Variants in KANK1 observed in about 807,000 individuals in gnomAD.
KANK1 encodes KN motif and ankyrin repeat domain-containing protein 1.
A neutral mutation model predicts 106.2 loss-of-function variants in KANK1; 109 were observed. The ratio of observed to expected loss-of-function variants is 1.03; its 90% confidence interval spans 0.88 to 1.20. The LOEUF (loss-of-function observed/expected upper bound fraction) is 1.20. Among genes scored for constraint, KANK1 ranks in the 50% most tolerant of loss-of-function variants. The pLI is 0.00. For missense variants in KANK1, 2,399 were observed against 1,710.7 expected (o/e 1.40, Z -7.10); for synonymous variants, 873 against 652.2 (o/e 1.34, Z -5.16).
At chr9:703,295 A>G (rs996630378) in intron 2 of KANK1, among the ~76,000 whole-genome samples, 1 of 152,006 alleles carries the variant, frequency 6.6e-6, no homozygotes, top group Non-Finnish European at 1.5e-5. Flanking sequence ...CATGGCCTGC[A>G]TTGTTGATAT....
intron 2 of KANK1, among the ~76,000 whole-genome samples, chr9:690,547 A>C (rs1819667295): frequency 6.6e-6 from 1 of 152,066 alleles, no homozygotes. Context: ...GGAGTCCAGA[A>C]GAATTGTGCA....
intron 1 of KANK1, chr9:549,842 T>C (rs1212124282): frequency 6.6e-6 from 1 of 152,324 alleles, no homozygotes; most frequent in Non-Finnish European, 1.5e-5. Flanking sequence ...AGCCCGGTTC[T>C]TCCTGGGACT....
chr9:710,616 AAAAAAAAAAAAAAC>A (rs1825713759), intron 2 of KANK1, among the ~76,000 whole-genome samples, 174 bp from the exon 3 acceptor site: 2 of 76,398 alleles, frequency 2.6e-5, no homozygotes, highest in Non-Finnish European at 5.0e-5. Context: ...GACCTGTCTC[AAAAAAAAAAAAAAC>A]AAAAAAAAAC....
intron 1 of KANK1, among the ~76,000 whole-genome samples, chr9:634,853 G>A (rs1268472718): frequency 1.3e-5 from 2 of 152,258 alleles, no homozygotes; most frequent in Admixed American, 6.5e-5. Flanking sequence ...TAGGGGCCCA[G>A]GTTCTTATTG....
intron 1 of KANK1, among the ~76,000 whole-genome samples, chr9:620,433 C>T (rs1281492812): frequency 6.6e-6 from 1 of 152,002 alleles, no homozygotes; most frequent in Non-Finnish European, 1.5e-5. Context: ...GAGTCTCGCA[C>T]TGTCACCCGG....
rs117537553 is a variant in KANK1, at chr9:552,835, A to T, written c.-84+48081A>T. Among the ~76,000 whole-genome samples the T allele has an allele frequency of 4.4e-3, 677 of 152,276 alleles. 3 individuals are homozygous for T. The highest frequency in any genetic ancestry group is 7.7e-3 in the Non-Finnish European group (526 of 68,032). On this transcript the variant is annotated intron_variant, in intron 1 of 11. Transcript: ENST00000382297. Reference sequence around the variant, plus strand: ...GAATGAGCTATTTTTCTACCATGTGATCCTTTGTTAGAAATGAACATGATT... The same window carrying T: ...GAATGAGCTATTTTTCTACCATGTGTTCCTTTGTTAGAAATGAACATGATT...
intron 1 of KANK1, among the ~76,000 whole-genome samples, chr9:578,027 C>T (rs1484376092): frequency 5.3e-5 from 8 of 152,018 alleles, no homozygotes; most frequent in Admixed American, 4.6e-4. Context: ...ACCTTGTAAC[C>T]AGGTCACCCC....
chr9:738,945 G>A (rs1834572815), intron 8 of KANK1, among the ~76,000 whole-genome samples: 2 of 152,358 alleles, frequency 1.3e-5, no homozygotes, highest in East Asian at 3.9e-4. Context: ...CCTTGCAGAA[G>A]TGTGTGGTTA....
At chr9:716,965 A>T (rs955636489) in intron 3 of KANK1, among the ~76,000 whole-genome samples, 1 of 147,228 alleles carries the variant, frequency 6.8e-6, no homozygotes, top group Non-Finnish European at 1.5e-5. Context: ...CCTGGGTGAC[A>T]GAATGAGACC....
intron 1 of KANK1, among the ~76,000 whole-genome samples, chr9:629,859 CTGAG>C (rs1328916789): frequency 1.3e-5 from 2 of 152,244 alleles, no homozygotes; most frequent in Non-Finnish European, 2.9e-5. Context: ...GACTCATTTA[CTGAG>C]TGTTTTCTGT....
Position 615,745 on chromosome 9 carries a change from T to C in KANK1, c.-83-61145T>C, listed in dbSNP as rs571535755. 8.5e-5 allele frequency among the ~76,000 whole-genome samples: 13 copies of C among 152,340 alleles called. No individual in the cohort carries two copies. In the South Asian group the frequency reaches 2.7e-3, roughly 32 times the overall value. ...TCCAAGACATGAAGAACAAATGTTA[T>C]ATATTCTCTTTGACATTTAAAGACA... On this transcript the variant is annotated intron_variant, in intron 1 of 11. Coordinates refer to ENST00000382297, the MANE Select transcript of KANK1 (RefSeq NM_015158.5).
intron 1 of KANK1, among the ~76,000 whole-genome samples, chr9:562,931 C>G (rs1816866335): frequency 6.6e-6 from 1 of 152,164 alleles, no homozygotes; most frequent in South Asian, 2.1e-4. Context: ...TAGAGAGGCA[C>G]CCATGAAAAT....
intron 1 of KANK1, among the ~76,000 whole-genome samples, chr9:527,419 AG>A (rs1191280612): frequency 1.2e-4 from 7 of 59,588 alleles, no homozygotes; most frequent in African/African-American, 9.8e-4. Flanking sequence ...CTCCTTCCTC[AG>A]CCCCTCAAGT....
intron 1 of KANK1, among the ~76,000 whole-genome samples, chr9:630,293 CGCCTGT>C (rs1835366977): frequency 6.6e-6 from 1 of 151,024 alleles, no homozygotes; most frequent in African/African-American, 2.4e-5. Flanking sequence ...CGGTGGCTCA[CGCCTGT>C]AATCCCAGCA....
chr9:639,808 C>T (rs1007183591), intron 1 of KANK1, among the ~76,000 whole-genome samples: 1 of 152,190 alleles, frequency 6.6e-6, no homozygotes, highest in South Asian at 2.1e-4. Context: ...AAGATGACAG[C>T]AGATTCAGTA....
intron 3 of KANK1, among the ~76,000 whole-genome samples, chr9:479,753 G>A (rs554561927): frequency 6.6e-6 from 1 of 152,328 alleles, no homozygotes; most frequent in Admixed American, 6.5e-5. Context: ...GGCAGCTTCT[G>A]TCATCTCAGA....
intron 8 of KANK1, among the ~76,000 whole-genome samples, chr9:739,637 G>T (rs1226326658): frequency 6.6e-6 from 1 of 152,192 alleles, no homozygotes. Context: ...ATCCAGGGAA[G>T]CTGAAAACAA....
chr9:633,264 G>A (rs564430599), intron 1 of KANK1, among the ~76,000 whole-genome samples: 7 of 152,144 alleles, frequency 4.6e-5, no homozygotes, highest in African/African-American at 1.7e-4. Flanking sequence ...AGACCATCCC[G>A]GCTAACACGG....
At chr9:675,681 G>T (rs1000613157) in intron 1 of KANK1, among the ~76,000 whole-genome samples, 1 of 152,090 alleles carries the variant, frequency 6.6e-6, no homozygotes, top group Non-Finnish European at 1.5e-5. Context: ...CTGGAAAGGG[G>T]TCTTAATCCA....
Sources: gnomAD v4.1 joint callset for allele counts (sites outside exome capture counted in the v4.1 genomes callset) on GRCh38, gnomAD v4.1.1 for gene constraint, MANE v1.5 for transcripts, NCBI Gene and HGNC (gene_info 2026-07-23, HGNC 2026-07-21) for gene names.